Variants in IMMP2L observed in about 807,000 individuals in gnomAD.
IMMP2L encodes the protein inner mitochondrial membrane peptidase subunit 2.
Under a neutral mutation model 19.3 loss-of-function variants are expected in IMMP2L, and 18 were observed. That is an observed-to-expected ratio of 0.93 (90% CI 0.64 to 1.38). The LOEUF is 1.38. IMMP2L is among the 40% of genes most tolerant of loss of function. The probability of loss-of-function intolerance (pLI) is 0.00; values close to 1 mark genes in which losing one functional copy is unlikely to be tolerated. For synonymous variants in IMMP2L, 76 were observed against 73.0 expected, an observed-to-expected ratio of 1.04 and a Z score of -0.21; for missense variants, 233 against 218.2, an observed-to-expected ratio of 1.07 and a Z score of -0.43.
chr7:111,296,549 T>C (rs1377266053), intron 3 of IMMP2L, among the ~76,000 whole-genome samples: 1 of 151,946 alleles, frequency 6.6e-6, no homozygotes, highest in East Asian at 1.9e-4. Context: ...GAAGAAATTA[T>C]ATAAATCATA....
chr7:110,702,833 C>T (rs1310323956), intron 5 of IMMP2L, among the ~76,000 whole-genome samples: 1 of 152,120 alleles, frequency 6.6e-6, no homozygotes, highest in Non-Finnish European at 1.5e-5. Flanking sequence ...ATATTTTCTA[C>T]ATGTACAATC....
intron 3 of IMMP2L, among the ~76,000 whole-genome samples, chr7:111,216,095 T>G (rs1811896224): frequency 6.6e-6 from 1 of 152,180 alleles, no homozygotes. Flanking sequence ...AATTCCAATT[T>G]GCCTTTGGAT....
At chr7:111,087,157 A>T (rs986725226) in intron 3 of IMMP2L, among the ~76,000 whole-genome samples, 1 of 152,150 alleles carries the variant, frequency 6.6e-6, no homozygotes, top group South Asian at 2.1e-4. Context: ...GAAGGTAAAA[A>T]TATCTATCTT....
chr7:111,504,924 T>C (rs1472669571), intron 2 of IMMP2L, among the ~76,000 whole-genome samples: 1 of 151,980 alleles, frequency 6.6e-6, no homozygotes, highest in Non-Finnish European at 1.5e-5. Context: ...AAGGACTTCA[T>C]GTCTAAAACA....
intron 3 of IMMP2L, among the ~76,000 whole-genome samples, chr7:111,041,509 G>A (rs547863976): frequency 2.6e-5 from 4 of 151,620 alleles, no homozygotes; most frequent in African/African-American, 7.3e-5. Flanking sequence ...AGGGGCACAT[G>A]TAAAGTTAAA....
rs1030749905 is a variant in IMMP2L, at chr7:111,148,392, G to A, written c.240-184827C>T. Reference sequence around the variant, plus strand: ...GAATAGGGAATGATTGCTAGAGTGTGTGCGTTTCTTTTGGGGATAAGGACA... The same window carrying A: ...GAATAGGGAATGATTGCTAGAGTGTATGCGTTTCTTTTGGGGATAAGGACA... On this transcript the variant is annotated intron_variant, in intron 3 of 5. Transcript: ENST00000405709. Among the ~76,000 whole-genome samples, 14 of 152,112 alleles carry A rather than the reference G, an allele frequency of 9.2e-5. No individual in the cohort carries two copies. The Middle Eastern group carries it at 0.01, about 111-fold the overall frequency.
intron 5 of IMMP2L, among the ~76,000 whole-genome samples, chr7:110,718,332 G>C (rs375905901): frequency 1.6e-4 from 25 of 152,312 alleles, no homozygotes; most frequent in South Asian, 8.3e-4. Context: ...ATTCTGAAGA[G>C]AGTGGTAGAT....
At position 111,296,060 on chromosome 7, in the gene IMMP2L, T is replaced by C. The variant is rs372394026; in HGVS notation, c.239+191178A>G. On this transcript the variant is annotated intron_variant, in intron 3 of 5. Coordinates refer to ENST00000405709, the MANE Select transcript of IMMP2L (RefSeq NM_032549.4). Reference sequence around the variant, plus strand: ...GAAATTCATAAAAATGAAAAGCTTCTACTCTTAAAAATACATCATTTAAAA... The same window carrying C: ...GAAATTCATAAAAATGAAAAGCTTCCACTCTTAAAAATACATCATTTAAAA... Among the ~76,000 whole-genome samples the C allele has an allele frequency of 1.8e-3, 274 of 150,302 alleles. 1 individual carries two copies. Among genetic ancestry groups the C allele is most frequent in the African/African-American group, 6.5e-3 (269 of 41,166 alleles).
intron 3 of IMMP2L, among the ~76,000 whole-genome samples, chr7:111,335,584 T>C (rs528278936): frequency 1.1e-4 from 17 of 152,262 alleles, no homozygotes; most frequent in African/African-American, 3.8e-4. Flanking sequence ...TTTATTGAAA[T>C]GCTGTTTATA....
At chr7:111,067,245 G>A (rs1263245096) in intron 3 of IMMP2L, among the ~76,000 whole-genome samples, 1 of 152,216 alleles carries the variant, frequency 6.6e-6, no homozygotes, top group African/African-American at 2.4e-5. Context: ...CCTCTACTCA[G>A]ATGAAATCAG....
chr7:110,863,545 T>G (rs867686141), intron 5 of IMMP2L, among the ~76,000 whole-genome samples: 21 of 152,100 alleles, frequency 1.4e-4, no homozygotes, highest in African/African-American at 5.1e-4. Context: ...ATTTTCATCT[T>G]TCCCCCGGCT....
At chr7:110,980,758 A>G (rs1432736698) in intron 3 of IMMP2L, among the ~76,000 whole-genome samples, 1 of 152,240 alleles carries the variant, frequency 6.6e-6, no homozygotes, top group Non-Finnish European at 1.5e-5. Flanking sequence ...TTGGCATAAT[A>G]AAATTGTAAA....
At chr7:111,546,384 T>A (rs184977462) in intron 1 of IMMP2L, among the ~76,000 whole-genome samples, 1 of 152,142 alleles carries the variant, frequency 6.6e-6, no homozygotes, top group Admixed American at 6.6e-5. Context: ...AAAAAAGGCA[T>A]CTCATTAGAG....
intron 1 of IMMP2L, among the ~76,000 whole-genome samples, chr7:111,536,314 T>G (rs908431494): frequency 6.6e-6 from 1 of 152,040 alleles, no homozygotes; most frequent in African/African-American, 2.4e-5. Flanking sequence ...TGTTGTTTTT[T>G]GGGGTTTTTT....
At chr7:111,252,002 A>G (rs1295273859) in intron 3 of IMMP2L, among the ~76,000 whole-genome samples, 2 of 152,152 alleles carry the variant, frequency 1.3e-5, no homozygotes, top group Non-Finnish European at 2.9e-5. Context: ...TCCTGAAAAA[A>G]AATTCTCATG....
Position 110,663,597 on chromosome 7 carries a change from T to C in IMMP2L, c.*5A>G, listed in dbSNP as rs1233212020. ...AATGCCAGCAACTCAGGTAGATTCA[T>C]GCAGTCATTCCTCTTCTCTCTGTAC... On this transcript the variant is annotated 3_prime_UTR_variant, in exon 6 of 6. Transcript: ENST00000405709. 6.2e-7 allele frequency: 1 copy of C among 1,613,598 alleles called. No individual in the cohort carries two copies. Among genetic ancestry groups the C allele is most frequent in the African/African-American group, 1.3e-5 (1 of 75,036 alleles).
chr7:110,684,414 T>A, intron 5 of IMMP2L, among the ~76,000 whole-genome samples: 1 of 152,038 alleles, frequency 6.6e-6, no homozygotes, highest in East Asian at 1.9e-4. Context: ...TAAATTACCT[T>A]GAGATTACCC....
chr7:111,167,277 CCTAA>C (rs1159272517), intron 3 of IMMP2L, among the ~76,000 whole-genome samples: 4 of 151,870 alleles, frequency 2.6e-5, no homozygotes, highest in Non-Finnish European at 5.9e-5. Flanking sequence ...TTGACTGGAC[CCTAA>C]CTAACTGATT....
chr7:111,512,740 G>T (rs1845562722), intron 2 of IMMP2L, among the ~76,000 whole-genome samples: 1 of 151,936 alleles, frequency 6.6e-6, no homozygotes, highest in African/African-American at 2.4e-5. Context: ...TATGGTACTA[G>T]CATAAAAACA....
Sources: allele counts gnomAD v4.1 joint callset (sites outside exome capture counted in the v4.1 genomes callset), GRCh38; gene constraint gnomAD v4.1.1; transcripts MANE v1.5; gene names NCBI Gene and HGNC (gene_info 2026-07-23, HGNC 2026-07-21).